FOCAD: variants seen among roughly 807,000 people sequenced by gnomAD.
FOCAD encodes the protein KIAA1797.
FOCAD carries 198 observed loss-of-function variants against 225.6 expected under a neutral mutation model. The observed-to-expected ratio is 0.88, with a 90% CI of 0.78 to 0.99. FOCAD has a LOEUF of 0.99. FOCAD is among the 50% of genes least tolerant of loss of function. The pLI, the probability that FOCAD is intolerant of heterozygous loss-of-function variation, is 0.00. For missense variants in FOCAD, 2,713 were observed against 2,123.6 expected (o/e 1.28, Z -5.46); for synonymous variants, 897 against 755.0 (o/e 1.19, Z -3.08).
intron 6 of FOCAD, among the ~76,000 whole-genome samples, chr9:20,762,186 T>G (rs540139517): frequency 6.6e-6 from 1 of 152,208 alleles, no homozygotes; most frequent in Non-Finnish European, 1.5e-5. Context: ...GGGAATACAT[T>G]ATTAAAGAGA....
chr9:20,874,177 AAAAG>A (rs1260446905), intron 18 of FOCAD: 2 of 152,228 alleles, frequency 1.3e-5, no homozygotes, highest in Non-Finnish European at 2.9e-5. Flanking sequence ...GTCTTAAAAA[AAAAG>A]AAGTCAACTA....
intron 4 of FOCAD, among the ~76,000 whole-genome samples, chr9:20,732,616 G>A (rs1252713137): frequency 2.6e-5 from 4 of 152,150 alleles, no homozygotes; most frequent in Admixed American, 2.0e-4. Flanking sequence ...GCGGGTGTTA[G>A]TGATTCCACA....
At chr9:20,842,126 G>A (rs1490619747) in intron 15 of FOCAD, among the ~76,000 whole-genome samples, 1 of 97,322 alleles carries the variant, frequency 1.0e-5, no homozygotes, top group African/African-American at 3.6e-5. Flanking sequence ...TACTTTACAT[G>A]ATTTTTTTTT....
At chr9:20,741,221 C>T (rs554954683) in intron 5 of FOCAD, among the ~76,000 whole-genome samples, 10 of 152,274 alleles carry the variant, frequency 6.6e-5, no homozygotes, top group African/African-American at 2.4e-4. Flanking sequence ...TCTTACAGCA[C>T]CTGTAGTCTT....
chr9:20,774,185 C>T (rs1225380415), intron 8 of FOCAD, among the ~76,000 whole-genome samples: 2 of 152,058 alleles, frequency 1.3e-5, no homozygotes, highest in East Asian at 1.9e-4. Context: ...TGAAACCAGC[C>T]CCTGGTGCAA....
intron 15 of FOCAD, among the ~76,000 whole-genome samples, chr9:20,831,105 G>C (rs1587336250): frequency 6.6e-6 from 1 of 152,052 alleles, no homozygotes; most frequent in Non-Finnish European, 1.5e-5. Context: ...AAAAGAAGAT[G>C]AAGTTGTCAT....
chr9:20,933,968 G>A (rs1428647678), intron 28 of FOCAD, among the ~76,000 whole-genome samples: 1 of 152,028 alleles, frequency 6.6e-6, no homozygotes, highest in East Asian at 1.9e-4. Context: ...GTGATGTTGA[G>A]CATTTTTTTA....
At chr9:20,827,304 T>C (rs1477852237) in intron 15 of FOCAD, among the ~76,000 whole-genome samples, 1 of 152,064 alleles carries the variant, frequency 6.6e-6, no homozygotes, top group African/African-American at 2.4e-5. Context: ...TCATATGATG[T>C]GTTGTCTTTT....
intron 11 of FOCAD, among the ~76,000 whole-genome samples, chr9:20,808,863 C>T (rs576266689): frequency 3.8e-4 from 58 of 152,210 alleles, no homozygotes; most frequent in African/African-American, 1.3e-3. Flanking sequence ...ATCATTTTTG[C>T]TGAAAGTAAT....
At chr9:20,787,684 C>A (rs1254593773) in intron 10 of FOCAD, among the ~76,000 whole-genome samples, 1 of 149,960 alleles carries the variant, frequency 6.7e-6, no homozygotes, top group East Asian at 1.9e-4. Flanking sequence ...GCCTTTGATT[C>A]CAGCTGTCCA....
At chr9:20,798,813 G>C (rs1403832376) in intron 11 of FOCAD, among the ~76,000 whole-genome samples, 1 of 152,014 alleles carries the variant, frequency 6.6e-6, no homozygotes, top group African/African-American at 2.4e-5. Context: ...TGGATTCATT[G>C]ATTTTTTTGA....
intron 2 of FOCAD, among the ~76,000 whole-genome samples, chr9:20,670,253 C>T (rs1481929709): frequency 6.6e-6 from 1 of 152,152 alleles, no homozygotes; most frequent in Non-Finnish European, 1.5e-5. Flanking sequence ...TATGAATAAT[C>T]TCATTTAATC....
chr9:20,656,918 G>T (rs1388737419), upstream of FOCAD, among the ~76,000 whole-genome samples: 1 of 151,666 alleles, frequency 6.6e-6, no homozygotes, highest in Non-Finnish European at 1.5e-5. Context: ...GCTGGTACCG[G>T]TTGTTCCTTT....
Position 20,820,943 on chromosome 9 carries a change from C to A in FOCAD, c.1665C>A (p.Asp555Glu), listed in dbSNP as rs768089116. Residue 555 changes from aspartate (D) to glutamate (E), a missense_variant and splice_region_variant, in exon 14 of 44, where the codon GAC (aspartate) becomes GAA (glutamate). Transcript: ENST00000338382. Reference protein sequence around the residue: ...RLLTSLWEKQDRVYPELQRFM... With the variant: ...RLLTSLWEKQERVYPELQRFM... Reference sequence around the variant, plus strand: ...TTTTTGTAAAATTGCCTTCGTAGGACCGAGTCTATCCTGAACTGCAGCGTT... The same window carrying A: ...TTTTTGTAAAATTGCCTTCGTAGGAACGAGTCTATCCTGAACTGCAGCGTT... The A allele has an allele frequency of 5.6e-6, 9 of 1,609,298 alleles. No homozygotes were observed. In the African/African-American group the frequency reaches 1.1e-4, roughly 19 times the overall value.
At position 20,669,586 on chromosome 9, in the gene FOCAD, C is replaced by G. The variant is rs189811488; in HGVS notation, c.-78+10760C>G. On this transcript the variant is annotated intron_variant, in intron 2 of 45. Coordinates refer to the FOCAD transcript ENST00000380249. ...GATCAGGAGTTCAAGACCAGCCTGG[C>G]CAACATGGGGAAACCTGTCTCTATT... 4.8e-4 allele frequency among the ~76,000 whole-genome samples: 73 copies of G among 151,876 alleles called. No individual in the cohort carries two copies. In the East Asian group the frequency reaches 9.3e-3, roughly 19 times the overall value.
chr9:20,929,356 A>G lies in FOCAD; in HGVS notation c.3079-2A>G, dbSNP rs1564165798. 3 of 1,613,146 alleles carry G rather than the reference A, an allele frequency of 1.9e-6. No individual in the cohort carries two copies. The highest frequency in any genetic ancestry group is 1.1e-5 in the South Asian group (1 of 91,060). The stretch of plus-strand genomic sequence containing the variant: ...CTGTTTTCTTTCTTTGGCATGTCCT[A>G]GAAGTCCTATTCTGGTGAAAACACA... On this transcript the variant is annotated splice_acceptor_variant, in intron 26 of 43. Coordinates refer to ENST00000338382, the MANE Select transcript of FOCAD (RefSeq NM_001375567.1). LOFTEE classifies it high-confidence loss of function.
chr9:20,665,723 A>G (rs529246882), intron 2 of FOCAD, among the ~76,000 whole-genome samples: 41 of 152,266 alleles, frequency 2.7e-4, no homozygotes, highest in Admixed American at 7.2e-4. Context: ...GTTACCCAGA[A>G]TATAATTGAA....
chr9:20,666,044 G>A (rs891180045), intron 2 of FOCAD, among the ~76,000 whole-genome samples: 11 of 152,092 alleles, frequency 7.2e-5, no homozygotes, highest in East Asian at 1.9e-4. Flanking sequence ...ACAGGCACCC[G>A]CCACCACGCC....
chr9:20,909,944 G>A (rs1251906991), intron 22 of FOCAD, among the ~76,000 whole-genome samples: 1 of 152,002 alleles, frequency 6.6e-6, no homozygotes, highest in African/African-American at 2.4e-5. Flanking sequence ...GGATCATTTA[G>A]AGGTGCCATG....
Sources: gnomAD v4.1 joint callset for allele counts (sites outside exome capture counted in the v4.1 genomes callset) on GRCh38, gnomAD v4.1.1 for gene constraint, MANE v1.5 for transcripts, NCBI Gene and HGNC (gene_info 2026-07-23, HGNC 2026-07-21) for gene names.